Variants in PRR16 observed in about 807,000 individuals in gnomAD.
PRR16 encodes proline rich 16.
PRR16 carries 6 observed loss-of-function variants against 18.2 expected under a neutral mutation model. That is an observed-to-expected ratio of 0.33 (90% CI 0.18 to 0.65). The LOEUF (loss-of-function observed/expected upper bound fraction) is 0.65, where lower values mean the gene tolerates loss of function less well. Ranked by LOEUF, PRR16 falls within the 30% of genes least tolerant of loss-of-function variation. PRR16 has a pLI of 0.74. For synonymous variants in PRR16, 151 were observed against 147.8 expected (o/e 1.02, Z -0.16); for missense variants, 412 against 376.6 (o/e 1.09, Z -0.78).
rs2601209 is a variant in PRR16, at chr5:120,477,313, G to T, written c.159+12668G>T. Among the ~76,000 whole-genome samples, 261 of 151,710 alleles carry T rather than the reference G, an allele frequency of 1.7e-3. 2 individuals carry two copies. The highest frequency in any genetic ancestry group is 6.0e-3 in the African/African-American group (248 of 41,368). On this transcript the variant is annotated intron_variant, in intron 1 of 1. Transcript: ENST00000407149. ...TTTTACCATATAGCAAACTGAACCC[G>T]GATCTCCCCCCTCCCACAAAAACCT... is the stretch of plus-strand genomic sequence containing the variant.
chr5:120,506,725 A>G (rs529277567), intron 1 of PRR16, among the ~76,000 whole-genome samples: 1 of 152,026 alleles, frequency 6.6e-6, no homozygotes, highest in Non-Finnish European at 1.5e-5. Flanking sequence ...GACATGTTGT[A>G]TGACTTTTCT....
the PRR16 span, among the ~76,000 whole-genome samples, chr5:120,773,549 T>C: frequency 1.3e-3 from 195 of 152,296 alleles, 1 homozygote; most frequent in East Asian, 0.032. Flanking sequence ...TTTCCTTTTA[T>C]GACTTTGTCA....
At chr5:120,715,469 A>G in the PRR16 span, among the ~76,000 whole-genome samples, 1 of 152,212 alleles carries the variant, frequency 6.6e-6, no homozygotes, top group African/African-American at 2.4e-5. Flanking sequence ...GTGCATTCAA[A>G]AGTCAAACTT....
intron 1 of PRR16, among the ~76,000 whole-genome samples, chr5:120,482,308 G>A (rs1749645940): frequency 1.3e-5 from 2 of 151,994 alleles, no homozygotes; most frequent in Non-Finnish European, 2.9e-5. Context: ...AGTCCCCAGT[G>A]TTTATCACTG....
chr5:120,754,307 ATAT>A, the PRR16 span, among the ~76,000 whole-genome samples: 1 of 51,522 alleles, frequency 1.9e-5, no homozygotes, highest in East Asian at 7.6e-4. Flanking sequence ...AATATATAAT[ATAT>A]AACATATAAA....
intron 1 of PRR16, among the ~76,000 whole-genome samples, chr5:120,683,723 C>G (rs1017627976): frequency 6.6e-6 from 1 of 152,046 alleles, no homozygotes; most frequent in African/African-American, 2.4e-5. Flanking sequence ...AAATCAACCA[C>G]AGTGGAATTT....
intron 1 of PRR16, among the ~76,000 whole-genome samples, chr5:120,512,127 C>T (rs778566184): frequency 3.8e-5 from 3 of 79,984 alleles, no homozygotes; most frequent in Non-Finnish European, 7.6e-5. Flanking sequence ...TTCAGCAGTG[C>T]CCTAGATTCA....
At chr5:120,753,956 ATATATAAT>A in the PRR16 span, among the ~76,000 whole-genome samples, 1 of 120,910 alleles carries the variant, frequency 8.3e-6, no homozygotes, top group African/African-American at 3.2e-5. Context: ...GTTATATATT[ATATATAAT>A]ATATGTTATA....
the PRR16 span, among the ~76,000 whole-genome samples, chr5:120,780,491 C>A: frequency 6.6e-6 from 1 of 152,038 alleles, no homozygotes; most frequent in African/African-American, 2.4e-5. Context: ...CAACTTGGAT[C>A]TAAGAGACGG....
chr5:120,587,811 TTA>T (rs1309679748), intron 1 of PRR16, among the ~76,000 whole-genome samples: 5 of 152,228 alleles, frequency 3.3e-5, no homozygotes, highest in African/African-American at 1.2e-4. Context: ...CTTTAAAGTC[TTA>T]TCATTTAAGA....
chr5:120,706,066 C>T, the PRR16 span, among the ~76,000 whole-genome samples: 2 of 152,082 alleles, frequency 1.3e-5, no homozygotes, highest in Non-Finnish European at 2.9e-5. Flanking sequence ...ACAAAAATGG[C>T]TTCCAATGGC....
rs1353898582 is a variant in PRR16 at position 120,563,735 on chromosome 5, C to G, written c.159+99090C>G. 2.6e-5 allele frequency among the ~76,000 whole-genome samples: 4 copies of G among 152,310 alleles called. No individual in the cohort carries two copies. The East Asian group carries it at 7.7e-4, about 29-fold the overall frequency. ...TGCCTATTGCTCTACCCCACTGTGG[C>G]TGAGCTGCTATCTATCTGATATTTA... is the stretch of plus-strand genomic sequence containing the variant. On this transcript the variant is annotated intron_variant, in intron 1 of 1. Coordinates refer to ENST00000407149, the MANE Select transcript of PRR16 (RefSeq NM_001300783.2).
At chr5:120,483,425 T>C (rs1749687219) in intron 1 of PRR16, among the ~76,000 whole-genome samples, 1 of 144,592 alleles carries the variant, frequency 6.9e-6, no homozygotes. Context: ...TTATGGAATA[T>C]TTATTTTATC....
chr5:120,753,243 G>A, the PRR16 span, among the ~76,000 whole-genome samples: 14 of 151,932 alleles, frequency 9.2e-5, no homozygotes, highest in African/African-American at 3.4e-4. Flanking sequence ...ATAAGAAATG[G>A]CCTTTGAATC....
At chr5:120,591,845 G>A (rs896596000) in intron 1 of PRR16, among the ~76,000 whole-genome samples, 3 of 152,054 alleles carry the variant, frequency 2.0e-5, no homozygotes, top group African/African-American at 7.2e-5. Flanking sequence ...ATGCAGAAGG[G>A]CTGAGGAGTT....
chr5:120,605,034 TGTA>T (rs1165658800), intron 1 of PRR16, among the ~76,000 whole-genome samples: 1 of 152,160 alleles, frequency 6.6e-6, no homozygotes, highest in Non-Finnish European at 1.5e-5. Flanking sequence ...GGTTGTCTTG[TGTA>T]GTATCTTACA....
intron 1 of PRR16, among the ~76,000 whole-genome samples, chr5:120,534,565 G>C (rs912796119): frequency 1.2e-4 from 19 of 152,030 alleles, no homozygotes; most frequent in Admixed American, 7.9e-4. Flanking sequence ...TCATTTTATA[G>C]ATGGAATTAT....
the PRR16 span, among the ~76,000 whole-genome samples, chr5:120,721,654 C>G: frequency 6.6e-6 from 1 of 151,946 alleles, no homozygotes; most frequent in Non-Finnish European, 1.5e-5. Flanking sequence ...ATGGGACTTT[C>G]AAAGCCATTG....
At chr5:120,718,445 A>G in the PRR16 span, among the ~76,000 whole-genome samples, 1 of 152,130 alleles carries the variant, frequency 6.6e-6, no homozygotes, top group African/African-American at 2.4e-5. Context: ...TTGCTAAGTC[A>G]TTGCCCCTGT....
Sources: allele counts gnomAD v4.1 joint callset (sites outside exome capture counted in the v4.1 genomes callset), GRCh38; gene constraint gnomAD v4.1.1; transcripts MANE v1.5; gene names NCBI Gene and HGNC (gene_info 2026-07-23, HGNC 2026-07-21).